The following RNF24 variants were observed in gnomAD, a reference collection of about 807,000 sequenced individuals.
RNF24 encodes ring finger protein 24.
A neutral mutation model predicts 20.0 loss-of-function variants in RNF24; 14 were observed. That is an observed-to-expected ratio of 0.70 (90% confidence interval 0.46 to 1.10). The LOEUF is 1.10. Among genes scored for constraint, RNF24 ranks in the 50% least tolerant of loss-of-function variants. The pLI is 0.00. For synonymous variants in RNF24, 45 were observed against 61.1 expected (o/e 0.74, Z 1.23); for missense variants, 124 against 177.6 (o/e 0.70, Z 1.71).
chr20:3,963,737 G>A (rs2091227827), intron 2 of RNF24, 138 bp downstream of exon 2: 1 of 628,308 alleles, frequency 1.6e-6, no homozygotes, highest in South Asian at 2.1e-5. Flanking sequence ...CTAATGCACA[G>A]ATTAAAACGG....
intron 1 of RNF24, among the ~76,000 whole-genome samples, chr20:4,003,925 G>A (rs1221028689): frequency 2.0e-5 from 3 of 151,962 alleles, no homozygotes; most frequent in Non-Finnish European, 2.9e-5. Flanking sequence ...GATTACAGGC[G>A]TGAGCCACCA....
chr20:3,993,687 A>C (rs1482415597), intron 1 of RNF24, among the ~76,000 whole-genome samples: 1 of 152,214 alleles, frequency 6.6e-6, no homozygotes, highest in Non-Finnish European at 1.5e-5. Flanking sequence ...GAATGGATAC[A>C]CAAGTAAAAA....
At chr20:4,005,471 G>A (rs1981788937) in intron 1 of RNF24, among the ~76,000 whole-genome samples, 1 of 152,126 alleles carries the variant, frequency 6.6e-6, no homozygotes, top group Non-Finnish European at 1.5e-5. Flanking sequence ...CATTTCTGAA[G>A]AAGTTTTGCA....
intron 1 of RNF24, among the ~76,000 whole-genome samples, chr20:3,971,539 C>T (rs576779507): frequency 6.6e-5 from 10 of 152,022 alleles, no homozygotes; most frequent in South Asian, 2.1e-4. Context: ...TTGTCCAACC[C>T]GGTTCTAAAT....
intron 1 of RNF24, among the ~76,000 whole-genome samples, chr20:4,013,562 C>A (rs1229394467): frequency 1.3e-5 from 2 of 152,238 alleles, no homozygotes; most frequent in Non-Finnish European, 2.9e-5. Flanking sequence ...CTCACTGCAA[C>A]CTCCGCCTCC....
intron 4 of RNF24, among the ~76,000 whole-genome samples, chr20:3,943,301 AT>A (rs562360151): frequency 2.1e-3 from 304 of 145,566 alleles, no homozygotes; most frequent in Admixed American, 2.1e-3. Flanking sequence ...TCCCAGCAGG[AT>A]TTTTTTTTTT....
intron 1 of RNF24, among the ~76,000 whole-genome samples, chr20:3,973,161 C>G (rs1311871607): frequency 6.6e-6 from 1 of 151,844 alleles, no homozygotes; most frequent in Non-Finnish European, 1.5e-5. Context: ...TGAGATTGTG[C>G]CACTGCACTC....
chr20:3,980,109 G>A (rs190756344), intron 1 of RNF24, among the ~76,000 whole-genome samples: 1 of 152,068 alleles, frequency 6.6e-6, no homozygotes, highest in Non-Finnish European at 1.5e-5. Context: ...GATAATTTGA[G>A]TATTAATTTT....
intron 4 of RNF24, among the ~76,000 whole-genome samples, chr20:3,938,456 TAAGCACAACCA>T (rs898787410): frequency 1.4e-4 from 21 of 152,138 alleles, no homozygotes; most frequent in African/African-American, 5.1e-4. Context: ...AAACACAACC[TAAGCACAACCA>T]AAGCACAACC....
intron 1 of RNF24, among the ~76,000 whole-genome samples, chr20:3,984,608 G>A (rs78059194): frequency 0.014 from 2,140 of 151,464 alleles, 26 homozygotes; most frequent in African/African-American, 0.028. Flanking sequence ...TAGACATCAG[G>A]GTTCCACCAG....
At chr20:3,992,328 G>A (rs1980515075) in intron 1 of RNF24, among the ~76,000 whole-genome samples, 1 of 152,098 alleles carries the variant, frequency 6.6e-6, no homozygotes, top group South Asian at 2.1e-4. Context: ...TCAACATACA[G>A]GAAGAATAAT....
chr20:3,946,561 C>T (rs181772776), intron 3 of RNF24, among the ~76,000 whole-genome samples: 27 of 151,656 alleles, frequency 1.8e-4, no homozygotes, highest in East Asian at 3.9e-4. Context: ...TGGTGGTGTG[C>T]GCCTGTAGCC....
At chr20:4,003,423 T>A (rs1263444247) in intron 1 of RNF24, among the ~76,000 whole-genome samples, 1 of 152,218 alleles carries the variant, frequency 6.6e-6, no homozygotes, top group Admixed American at 6.5e-5. Context: ...TTTCAAATTA[T>A]CTTCCAAGCA....
intron 2 of RNF24, among the ~76,000 whole-genome samples, chr20:3,953,461 TTC>T (rs199787244): frequency 1.0e-5 from 1 of 95,584 alleles, no homozygotes; most frequent in African/African-American, 3.9e-5. Context: ...CCAAAACACA[TTC>T]TCTCTTTTTT....
At chr20:3,963,374 G>A (rs1003720902) in intron 2 of RNF24, among the ~76,000 whole-genome samples, 1 of 151,736 alleles carries the variant, frequency 6.6e-6, no homozygotes, top group Admixed American at 6.6e-5. Context: ...TGTATTTTTG[G>A]TAGAGACGGA....
chr20:3,941,610 CA>C lies in RNF24; in HGVS notation c.228+3566del, dbSNP rs933967961. The stretch of plus-strand genomic sequence containing the variant: ...GAAAAAGAGAGAGAAAAGCAGAAGA[CA>C]AAAAAAAATGGTAAACCTAATTCTA... On this transcript the variant is annotated intron_variant, in intron 4 of 5. Transcript: ENST00000358395. Among the ~76,000 whole-genome samples the C allele has an allele frequency of 1.2e-4, 18 of 148,492 alleles. 1 individual carries two copies. Among genetic ancestry groups the C allele is most frequent in the Admixed American group, 2.0e-4 (3 of 14,924 alleles).
intron 1 of RNF24, among the ~76,000 whole-genome samples, chr20:3,967,233 T>A (rs1006455242): frequency 1.3e-5 from 2 of 152,232 alleles, no homozygotes; most frequent in South Asian, 4.1e-4. Flanking sequence ...TTCTTTGCTA[T>A]TGAAGTCTTA....
chr20:3,934,273 T>C lies in RNF24; in HGVS notation c.309-72A>G, dbSNP rs532479061. On this transcript the variant is annotated intron_variant, in intron 5 of 5. Coordinates refer to ENST00000358395, the MANE Select transcript of RNF24 (RefSeq NM_001134337.3). The surrounding 1 kb of genome is among the most constrained non-coding windows in gnomAD (Gnocchi z 4.0). Reference sequence around the variant, plus strand: ...TGGCACGGCTGTTCTGCTGAACATCTCCATATCTGTCACCCAGACAACGTC... The same window carrying C: ...TGGCACGGCTGTTCTGCTGAACATCCCCATATCTGTCACCCAGACAACGTC... 12 of 1,462,268 alleles carry C rather than the reference T, an allele frequency of 8.2e-6. No homozygotes were observed. The African/African-American group carries it at 1.7e-4, about 21-fold the overall frequency. 90.6% of individuals were successfully genotyped at this position (1,462,268 alleles called of 1,614,324 possible). A position where few individuals can be genotyped will look rare whatever the true frequency, so the allele number is the denominator to read the frequency against.
chr20:3,998,088 C>T (rs559225107), intron 1 of RNF24, among the ~76,000 whole-genome samples: 1 of 152,276 alleles, frequency 6.6e-6, no homozygotes, highest in East Asian at 1.9e-4. Flanking sequence ...TACTAATATG[C>T]AATAATTGGT....
Sources: allele counts gnomAD v4.1 joint callset (sites outside exome capture counted in the v4.1 genomes callset), GRCh38; gene constraint gnomAD v4.1.1; non-coding constraint Gnocchi (gnomAD v3.1); transcripts MANE v1.5; gene names NCBI Gene and HGNC (gene_info 2026-07-23, HGNC 2026-07-21).